The following XPO1 variants were observed in gnomAD, a reference collection of about 807,000 sequenced individuals.
XPO1 encodes the protein exportin 1.
XPO1 carries 5 observed loss-of-function variants against 133.3 expected under a neutral mutation model. The ratio of observed to expected loss-of-function variants is 0.04; its 90% confidence interval spans 0.02 to 0.08. The LOEUF is 0.08. XPO1 is among the 10% of genes least tolerant of loss of function. The probability of loss-of-function intolerance (pLI) is 1.00; values close to 1 mark genes in which losing one functional copy is unlikely to be tolerated. For synonymous variants in XPO1, 419 were observed against 408.2 expected (o/e 1.03, Z -0.32); for missense variants, 506 against 1,267.5 (o/e 0.40, Z 9.12).
At chr2:61,525,045 T>C (rs1698857444) in intron 3 of XPO1, among the ~76,000 whole-genome samples, 1 of 151,944 alleles carries the variant, frequency 6.6e-6, no homozygotes. Context: ...GCCTTACATC[T>C]CCAAACTTGA....
chr2:61,496,795 C>T (rs1253862875), intron 10 of XPO1, 84 bp downstream of exon 10: 53 of 1,295,908 alleles, frequency 4.1e-5, no homozygotes, highest in East Asian at 5.8e-5. Context: ...TTTGATACGT[C>T]GTTCTAAAAT....
At position 61,484,263 on chromosome 2, in the gene XPO1, A is replaced by G. The variant is rs544370317; in HGVS notation, c.2509-158T>C. ...GAAAGGTAAACCCAAGTAAAATACA[A>G]TCCACCTCTCACGGAAAATGAAACT... On this transcript the variant is annotated intron_variant, in intron 20 of 24. Coordinates refer to ENST00000401558, the MANE Select transcript of XPO1 (RefSeq NM_003400.4). 2.0e-5 allele frequency: 12 copies of G among 591,384 alleles called. No homozygotes were observed. In the Admixed American group the frequency reaches 2.7e-4, roughly 14 times the overall value. 36.6% of individuals were successfully genotyped at this position (591,384 alleles called of 1,614,324 possible). A position where few individuals can be genotyped will look rare whatever the true frequency, so the allele number is the denominator to read the frequency against.
In XPO1 at chr2:61,498,252, G is replaced by A. The variant is rs972242581; in HGVS notation, c.759+421C>T. Among the ~76,000 whole-genome samples, 7 of 152,202 alleles carry A rather than the reference G, an allele frequency of 4.6e-5. No individual in the cohort carries two copies. The South Asian group carries it at 1.5e-3, about 32-fold the overall frequency. ...TGGGACTACAGGCATACACCACCAC[G>A]CCTGGCTGTTTTGTATTTTTAGTAG... On this transcript the variant is annotated intron_variant, in intron 9 of 24. Transcript: ENST00000401558.
Position 61,492,872 on chromosome 2 carries a change from A to G in XPO1, c.1384+43T>C, listed in dbSNP as rs910730054. 17 of 1,570,694 alleles carry G rather than the reference A, an allele frequency of 1.1e-5. No individual in the cohort carries two copies. The highest frequency in any genetic ancestry group is 1.5e-5 in the Non-Finnish European group (17 of 1,159,882). ...TCCTAAAATGTATTTCCACCCCAGA[A>G]TAGATTTATAAAGGTAAAGATTAAC... is the stretch of plus-strand genomic sequence containing the variant. On this transcript the variant is annotated intron_variant, in intron 13 of 24. Coordinates refer to ENST00000401558, the MANE Select transcript of XPO1 (RefSeq NM_003400.4). The surrounding 1 kb of genome is among the most constrained non-coding windows in gnomAD (Gnocchi z 5.6).
At chr2:61,511,537 G>A (rs1433254019) in intron 4 of XPO1, among the ~76,000 whole-genome samples, 1 of 151,992 alleles carries the variant, frequency 6.6e-6, no homozygotes, top group Non-Finnish European at 1.5e-5. Flanking sequence ...TCAGCCTCCT[G>A]AGTGGCTGAA....
At position 61,492,886 on chromosome 2, in the gene XPO1, G is replaced by A. The variant is rs1427889115; in HGVS notation, c.1384+29C>T. ...TCCACCCCAGAATAGATTTATAAAG[G>A]TAAAGATTAACAGTATTTATTAACT... On this transcript the variant is annotated intron_variant, in intron 13 of 24. Coordinates refer to ENST00000401558, the MANE Select transcript of XPO1 (RefSeq NM_003400.4). This position sits in a 1 kb window ranked among gnomAD's most constrained non-coding sequence, Gnocchi z 5.6. 2 of 1,577,658 alleles carry A rather than the reference G, an allele frequency of 1.3e-6. No individual in the cohort carries two copies. Among genetic ancestry groups the A allele is most frequent in the South Asian group, 1.2e-5 (1 of 85,230 alleles).
In XPO1 at chr2:61,533,783, C is replaced by G. The variant is rs1486384699; in HGVS notation, c.115G>C (p.Glu39Gln). ...DNVVNCLYHG[E>Q]GAQQRMAQEV... ...GTTGGCTACTTTACCTGGGCTCCTTCTCCATGGTATAAGCAATTCACCACA... is the reference window on the plus strand; with the variant it reads ...GTTGGCTACTTTACCTGGGCTCCTTGTCCATGGTATAAGCAATTCACCACA... Residue 39 changes from glutamate (E) to glutamine (Q), a missense_variant, in exon 2 of 25, where the codon GAA becomes CAA. Around this residue, in one of 6 missense-constraint regions of XPO1, gnomAD observed 68 missense variants for 210.5 expected, o/e 0.32. Transcript: ENST00000401558. 6.3e-7 allele frequency: 1 copy of G among 1,588,712 alleles called. No individual in the cohort carries two copies. The highest frequency in any genetic ancestry group is 1.2e-5 in the South Asian group (1 of 85,512).
At position 61,514,364 on chromosome 2, in the gene XPO1, G is replaced by T. The variant is rs147716705; in HGVS notation, c.301+8247C>A. Among the ~76,000 whole-genome samples, 408 of 152,064 alleles carry T rather than the reference G, an allele frequency of 2.7e-3. 1 individual carries two copies. The highest frequency in any genetic ancestry group is 3.9e-3 in the Non-Finnish European group (264 of 67,954). ...TCCCAGCACTTTGGGAGGCTGAGGT[G>T]GGCTGATTACCAGGTCAGGAGTTCG... On this transcript the variant is annotated intron_variant, in intron 4 of 24. Coordinates refer to ENST00000401558, the MANE Select transcript of XPO1 (RefSeq NM_003400.4).
intron 4 of XPO1, among the ~76,000 whole-genome samples, chr2:61,507,791 G>A (rs974332553): frequency 6.6e-6 from 1 of 152,036 alleles, no homozygotes; most frequent in African/African-American, 2.4e-5. Flanking sequence ...GGCAGGAGAA[G>A]TGCTTAAACC....
At chr2:61,485,622 C>G (rs1573110144) in intron 20 of XPO1, 146 bp downstream of exon 20, 2 of 779,974 alleles carry the variant, frequency 2.6e-6, no homozygotes, top group East Asian at 5.8e-5. Context: ...TCTTGAAAAC[C>G]AAGAAAGTAT....
In XPO1 at chr2:61,537,801, G is replaced by A. The variant is rs1291071216; in HGVS notation, c.-246C>T. 8.9e-6 allele frequency: 1 copy of A among 112,672 alleles called. No homozygotes were observed. The highest frequency in any genetic ancestry group is 2.0e-5 in the Non-Finnish European group (1 of 50,100). 7.0% of individuals were successfully genotyped at this position (112,672 alleles called of 1,614,324 possible). On this transcript the variant is annotated 5_prime_UTR_variant, in exon 1 of 25. Coordinates refer to ENST00000401558, the MANE Select transcript of XPO1 (RefSeq NM_003400.4). ...CACACACACCCGCCCCCCCCCAAAA[G>A]GGGAATTAATCTGGGGAATAAATGC...
At chr2:61,524,573 C>T (rs761529018) in intron 3 of XPO1, among the ~76,000 whole-genome samples, 8 of 152,174 alleles carry the variant, frequency 5.3e-5, no homozygotes, top group Non-Finnish European at 1.2e-4. Flanking sequence ...CAATCTCTCC[C>T]AGACATAAAG....
chr2:61,502,506 T>A (rs7591345), intron 4 of XPO1, 196 bp from the exon 5 acceptor site: 295,673 of 480,752 alleles, frequency 0.62, 91,451 homozygotes, highest in Middle Eastern at 0.72. Flanking sequence ...TCCCAGCAAT[T>A]CTTTGGGAGG....
In XPO1 at chr2:61,522,564, T is replaced by C; in HGVS notation, c.301+47A>G. The C allele has an allele frequency of 2.0e-6, 3 of 1,534,286 alleles. No homozygotes were observed. The African/African-American group carries it at 4.1e-5, about 21-fold the overall frequency. On this transcript the variant is annotated intron_variant, in intron 4 of 24. Transcript: ENST00000401558. Reference sequence around the variant, plus strand: ...CTCAAACAGTCAACTACAATAAAAATGCCAGGAAAAACAAAACTCTGAATT... The same window carrying C: ...CTCAAACAGTCAACTACAATAAAAACGCCAGGAAAAACAAAACTCTGAATT...
At chr2:61,536,457 TAATGTG>T (rs1699357582) in intron 1 of XPO1, 1 of 152,250 alleles carries the variant, frequency 6.6e-6, no homozygotes, top group African/African-American at 2.4e-5. Flanking sequence ...GCTTAATGGA[TAATGTG>T]ACTCTACAAG....
At chr2:61,518,828 T>C (rs183256677) in intron 4 of XPO1, among the ~76,000 whole-genome samples, 42 of 152,244 alleles carry the variant, frequency 2.8e-4, no homozygotes, top group African/African-American at 1.0e-3. Flanking sequence ...TCCAGAGAAA[T>C]GTAATAAATT....
intron 4 of XPO1, among the ~76,000 whole-genome samples, chr2:61,517,277 C>T (rs1205803926): frequency 6.6e-6 from 1 of 152,130 alleles, no homozygotes; most frequent in Admixed American, 6.6e-5. Flanking sequence ...ACTGGCAGTC[C>T]TAGAGGACCT....
At chr2:61,517,725 C>T (rs1413255396) in intron 4 of XPO1, among the ~76,000 whole-genome samples, 1 of 152,074 alleles carries the variant, frequency 6.6e-6, no homozygotes, top group Non-Finnish European at 1.5e-5. Context: ...GCTTTAAACC[C>T]AGGAGTTTAA....
intron 1 of XPO1, among the ~76,000 whole-genome samples, chr2:61,535,175 T>A (rs1699306675): frequency 6.6e-6 from 1 of 152,230 alleles, no homozygotes; most frequent in African/African-American, 2.4e-5. Context: ...ATAAAATATA[T>A]CTTTCCTCTG....
Sources: gnomAD v4.1 joint callset for allele counts (sites outside exome capture counted in the v4.1 genomes callset) on GRCh38, gnomAD v4.1.1 for gene constraint, gnomAD v4.1.1 regional missense constraint, Gnocchi (gnomAD v3.1) non-coding constraint, MANE v1.5 for transcripts, NCBI Gene and HGNC (gene_info 2026-07-23, HGNC 2026-07-21) for gene names.